LDLRAD3: variants seen among roughly 807,000 people sequenced by gnomAD.
LDLRAD3 encodes low-density lipoprotein receptor class A domain-containing protein 3.
Under a neutral mutation model 29.4 loss-of-function variants are expected in LDLRAD3, and 20 were observed. The ratio of observed to expected loss-of-function variants is 0.68; its 90% CI spans 0.48 to 0.99. The LOEUF (loss-of-function observed/expected upper bound fraction) is 0.99, where lower values mean the gene tolerates loss of function less well. Ranked by LOEUF, LDLRAD3 falls within the 50% of genes least tolerant of loss-of-function variation. The probability of loss-of-function intolerance (pLI) is 0.00; values close to 1 mark genes in which losing one functional copy is unlikely to be tolerated. For missense variants in LDLRAD3, 420 were observed against 454.3 expected, an observed-to-expected ratio of 0.92 and a Z score of 0.69; for synonymous variants, 157 against 192.7, an observed-to-expected ratio of 0.81 and a Z score of 1.53.
At chr11:36,057,620 C>G (rs372436400) in intron 2 of LDLRAD3, among the ~76,000 whole-genome samples, 3 of 152,174 alleles carry the variant, frequency 2.0e-5, no homozygotes, top group Admixed American at 2.0e-4. Context: ...ACTGCCTCTT[C>G]GTCTTCTCTC....
intron 1 of LDLRAD3, among the ~76,000 whole-genome samples, chr11:35,955,605 A>G (rs1851191105): frequency 6.6e-6 from 1 of 152,268 alleles, no homozygotes; most frequent in African/African-American, 2.4e-5. Flanking sequence ...CATAGCATTA[A>G]GCATTAAAAT....
intron 2 of LDLRAD3, among the ~76,000 whole-genome samples, chr11:36,046,860 A>G (rs2133219691): frequency 6.6e-6 from 1 of 152,344 alleles, no homozygotes; most frequent in East Asian, 1.9e-4. Flanking sequence ...AAGTGTGTCA[A>G]TAAAGCAGGA....
intron 1 of LDLRAD3, among the ~76,000 whole-genome samples, chr11:36,022,688 A>G (rs1054874761): frequency 6.6e-6 from 1 of 152,194 alleles, no homozygotes; most frequent in African/African-American, 2.4e-5. Flanking sequence ...GGCTGACTCA[A>G]ATGAGAAGGG....
chr11:36,146,509 A>C (rs10768194), intron 4 of LDLRAD3, among the ~76,000 whole-genome samples: 72,175 of 151,938 alleles, frequency 0.48, 17,860 homozygotes, highest in East Asian at 0.62. Flanking sequence ...ATTACTACAG[A>C]TTTGGTGGCT....
intron 4 of LDLRAD3, among the ~76,000 whole-genome samples, chr11:36,195,183 T>A (rs886264668): frequency 6.6e-6 from 1 of 152,218 alleles, no homozygotes; most frequent in Admixed American, 6.5e-5. Context: ...TATCATCATC[T>A]TCATCATCAT....
intron 4 of LDLRAD3, among the ~76,000 whole-genome samples, chr11:36,146,197 A>G (rs1854191617): frequency 6.6e-6 from 1 of 152,170 alleles, no homozygotes; most frequent in Non-Finnish European, 1.5e-5. Context: ...GTTGTCACCC[A>G]TAAAATCAGA....
intron 1 of LDLRAD3, among the ~76,000 whole-genome samples, chr11:36,020,855 C>A (rs1852086282): frequency 6.6e-6 from 1 of 152,060 alleles, no homozygotes. Context: ...TGTTCTACAG[C>A]TGTGTGAAGG....
chr11:35,952,514 T>C (rs1565119992), intron 1 of LDLRAD3, among the ~76,000 whole-genome samples: 1 of 152,220 alleles, frequency 6.6e-6, no homozygotes, highest in Non-Finnish European at 1.5e-5. Context: ...GTGTTGAAAT[T>C]GGCTTTTGCA....
intron 4 of LDLRAD3, among the ~76,000 whole-genome samples, chr11:36,101,372 A>G (rs1051034663): frequency 1.3e-5 from 2 of 152,216 alleles, no homozygotes; most frequent in Non-Finnish European, 2.9e-5. Flanking sequence ...TGAAGACTAG[A>G]AAAGACTTCT....
At chr11:36,124,260 T>C (rs7124550) in intron 4 of LDLRAD3, among the ~76,000 whole-genome samples, 94,793 of 151,590 alleles carry the variant, frequency 0.63, 30,262 homozygotes, top group Non-Finnish European at 0.7. Context: ...CCTACTAAAA[T>C]AGGAAGGCTA....
At chr11:36,109,782 A>T (rs1279202645) in intron 4 of LDLRAD3, 1 of 152,052 alleles carries the variant, frequency 6.6e-6, no homozygotes, top group Non-Finnish European at 1.5e-5. Flanking sequence ...CGTTTAGGGG[A>T]TCCAATCAAA....
rs117647448 is a variant in LDLRAD3, at chr11:35,988,493, A to C, written c.46+44349A>C. The stretch of plus-strand genomic sequence containing the variant: ...ACATTTGTGGGATGCATAGTTTGTG[A>C]ATATTTTCTCTCATTCTATAGGTTG... On this transcript the variant is annotated intron_variant, in intron 1 of 5. Transcript: ENST00000315571. Among the ~76,000 whole-genome samples the C allele has an allele frequency of 7.8e-3, 1,188 of 152,236 alleles. 17 individuals are homozygous for C. Among genetic ancestry groups the C allele is most frequent in the South Asian group, 0.049 (234 of 4,820 alleles).
intron 2 of LDLRAD3, among the ~76,000 whole-genome samples, chr11:36,075,420 G>A (rs1257090690): frequency 6.6e-6 from 1 of 152,172 alleles, no homozygotes; most frequent in Non-Finnish European, 1.5e-5. Flanking sequence ...TATATGAAGG[G>A]ACTGTAGTGT....
At chr11:36,015,211 G>A (rs79899977) in intron 1 of LDLRAD3, among the ~76,000 whole-genome samples, 2,540 of 152,252 alleles carry the variant, frequency 0.017, 60 homozygotes, top group East Asian at 0.11. Flanking sequence ...GGTGTGGCTC[G>A]TGCCATTTTG....
chr11:36,230,636 C>G lies in LDLRAD3; in HGVS notation c.*1239C>G, dbSNP rs1393707554. 6.6e-6 allele frequency: 1 copy of G among 152,616 alleles called. No homozygotes were observed. The highest frequency in any genetic ancestry group is 1.5e-5 in the Non-Finnish European group (1 of 68,052). 9.5% of individuals were successfully genotyped at this position (152,616 alleles called of 1,614,324 possible). On this transcript the variant is annotated 3_prime_UTR_variant, in exon 6 of 6. Transcript: ENST00000315571. ...TGGAGTCAAGATTTTCCATTTGGATCTATTTTAAATCTTTTAGAAATGCAT... is the reference window on the plus strand; with the variant it reads ...TGGAGTCAAGATTTTCCATTTGGATGTATTTTAAATCTTTTAGAAATGCAT...
Position 36,154,934 on chromosome 11 carries a change from C to T in LDLRAD3, c.454+56473C>T, listed in dbSNP as rs1228520199. On this transcript the variant is annotated intron_variant, in intron 4 of 5. Coordinates refer to ENST00000315571, the MANE Select transcript of LDLRAD3 (RefSeq NM_174902.4). ...GCCCAGTCCATCTGTCTGTCTGCTT[C>T]TCTCTCTCCCTTCCTGTCCTCTTTC... 2.6e-5 allele frequency among the ~76,000 whole-genome samples: 4 copies of T among 152,198 alleles called. No homozygotes were observed. In the South Asian group the frequency reaches 6.2e-4, roughly 24 times the overall value.
At chr11:36,145,997 A>T (rs1854186988) in intron 4 of LDLRAD3, among the ~76,000 whole-genome samples, 1 of 124,714 alleles carries the variant, frequency 8.0e-6, no homozygotes, top group African/African-American at 3.5e-5. Context: ...CCCAAGAATG[A>T]TCAATAAAAA....
At chr11:36,094,980 T>A (rs971694394) in intron 3 of LDLRAD3, among the ~76,000 whole-genome samples, 2 of 150,592 alleles carry the variant, frequency 1.3e-5, no homozygotes, top group African/African-American at 4.9e-5. Context: ...GAGGCCAGGA[T>A]TTGAGACCAC....
At chr11:36,113,477 A>T (rs954241733) in intron 4 of LDLRAD3, among the ~76,000 whole-genome samples, 1 of 152,122 alleles carries the variant, frequency 6.6e-6, no homozygotes, top group African/African-American at 2.4e-5. Flanking sequence ...AGGGGAGACC[A>T]GGACAGATAG....
Sources: gnomAD v4.1 joint callset for allele counts (sites outside exome capture counted in the v4.1 genomes callset) on GRCh38, gnomAD v4.1.1 for gene constraint, MANE v1.5 for transcripts, NCBI Gene and HGNC (gene_info 2026-07-23, HGNC 2026-07-21) for gene names.